The following TENM3 variants were observed in gnomAD, a reference collection of about 807,000 sequenced individuals.
The protein encoded by TENM3 is teneurin transmembrane protein 3.
TENM3 carries 63 observed loss-of-function variants against 255.1 expected under a neutral mutation model. That is an observed-to-expected ratio of 0.25 (90% CI 0.20 to 0.30). The LOEUF (loss-of-function observed/expected upper bound fraction) is 0.30, where lower values mean the gene tolerates loss of function less well. Ranked by LOEUF, TENM3 falls within the 10% of genes least tolerant of loss-of-function variation. The pLI is 1.00. For synonymous variants in TENM3, 1,306 were observed against 1,322.3 expected, an observed-to-expected ratio of 0.99 and a Z score of 0.27; for missense variants, 2,929 against 3,461.1, an observed-to-expected ratio of 0.85 and a Z score of 3.86.
intron 12 of TENM3, among the ~76,000 whole-genome samples, chr4:182,700,085 A>G (rs1473544543): frequency 6.6e-6 from 1 of 152,206 alleles, no homozygotes; most frequent in Non-Finnish European, 1.5e-5. Flanking sequence ...CTCGAGTTCC[A>G]GATTATAAGG....
intron 26 of TENM3, 148 bp downstream of exon 26, chr4:182,794,033 T>G: frequency 1.4e-6 from 1 of 730,290 alleles, no homozygotes; most frequent in Non-Finnish European, 2.2e-6. Context: ...TATTTCTTTA[T>G]GGAACCATAG....
At chr4:182,267,009 A>G (rs766520594) in intron 1 of TENM3, among the ~76,000 whole-genome samples, 9 of 152,198 alleles carry the variant, frequency 5.9e-5, no homozygotes, top group Non-Finnish European at 1.3e-4. Context: ...AGGTTTTCTA[A>G]TAACTCTGGA....
chr4:182,043,239 C>T, the TENM3 span, among the ~76,000 whole-genome samples: 2 of 152,078 alleles, frequency 1.3e-5, no homozygotes, highest in Non-Finnish European at 1.5e-5. Context: ...AGCTATGTTA[C>T]GTGCCATCTT....
chr4:182,201,717 G>T (rs1235819940), intron 1 of TENM3, among the ~76,000 whole-genome samples: 2 of 152,240 alleles, frequency 1.3e-5, no homozygotes, highest in South Asian at 2.1e-4. Flanking sequence ...CCCCCCTTAG[G>T]TTAGAAACAA....
At chr4:182,015,850 T>C in the TENM3 span, among the ~76,000 whole-genome samples, 6 of 152,284 alleles carry the variant, frequency 3.9e-5, no homozygotes, top group African/African-American at 1.4e-4. Context: ...CCTGGCCTGA[T>C]TTTAAGTTTT....
At chr4:181,737,445 A>G in the TENM3 span, among the ~76,000 whole-genome samples, 4 of 152,160 alleles carry the variant, frequency 2.6e-5, no homozygotes, top group Admixed American at 2.6e-4. Flanking sequence ...AACAAGGCTC[A>G]TAGGAACTGA....
At chr4:181,477,108 A>G in the TENM3 span, among the ~76,000 whole-genome samples, 1 of 152,134 alleles carries the variant, frequency 6.6e-6, no homozygotes, top group Non-Finnish European at 1.5e-5. Context: ...TCATTCATCT[A>G]TTTAAACACT....
At chr4:181,766,878 A>C in the TENM3 span, among the ~76,000 whole-genome samples, 1 of 152,192 alleles carries the variant, frequency 6.6e-6, no homozygotes, top group Admixed American at 6.5e-5. Context: ...GAGAATTGTT[A>C]ACACAATACT....
At chr4:181,455,106 T>C in the TENM3 span, among the ~76,000 whole-genome samples, 2 of 152,088 alleles carry the variant, frequency 1.3e-5, no homozygotes, top group Admixed American at 1.3e-4. Flanking sequence ...TGCTAAATAA[T>C]ATTTTAATTT....
At chr4:182,469,321 G>A (rs1030942950) in intron 3 of TENM3, among the ~76,000 whole-genome samples, 20 of 151,974 alleles carry the variant, frequency 1.3e-4, no homozygotes, top group African/African-American at 4.4e-4. Flanking sequence ...TTTAGTTCAC[G>A]TAATTCATAT....
chr4:182,517,891 A>G (rs1286901951), intron 3 of TENM3, among the ~76,000 whole-genome samples: 2 of 152,220 alleles, frequency 1.3e-5, no homozygotes, highest in East Asian at 1.9e-4. Context: ...ATTTAGAAGT[A>G]TATAACCATG....
At chr4:181,629,699 G>T in the TENM3 span, among the ~76,000 whole-genome samples, 1 of 152,256 alleles carries the variant, frequency 6.6e-6, no homozygotes, top group South Asian at 2.1e-4. Flanking sequence ...CTTGATCATG[G>T]TGGATAAGCT....
the TENM3 span, among the ~76,000 whole-genome samples, chr4:181,611,211 T>C: frequency 6.6e-6 from 1 of 152,226 alleles, no homozygotes; most frequent in African/African-American, 2.4e-5. Flanking sequence ...TTTCTGGTTT[T>C]CTCCGTTATC....
the TENM3 span, among the ~76,000 whole-genome samples, chr4:181,515,997 A>G: frequency 6.6e-6 from 1 of 152,226 alleles, no homozygotes; most frequent in Non-Finnish European, 1.5e-5. Flanking sequence ...CATATGCATC[A>G]TGGAATACTA....
intron 6 of TENM3, among the ~76,000 whole-genome samples, chr4:182,660,233 G>C (rs4386639): frequency 0.2 from 29,997 of 152,070 alleles, 3,297 homozygotes; most frequent in African/African-American, 0.29. Flanking sequence ...GCACAGTTCT[G>C]GCATGTAGTA....
intron 26 of TENM3, among the ~76,000 whole-genome samples, chr4:182,796,413 T>C (rs1160895257): frequency 1.3e-5 from 2 of 152,356 alleles, no homozygotes; most frequent in East Asian, 3.9e-4. Flanking sequence ...TGTCTGAGCA[T>C]CTATTACTCG....
intron 3 of TENM3, among the ~76,000 whole-genome samples, chr4:182,396,978 T>A (rs1402383561): frequency 6.6e-6 from 1 of 150,392 alleles, no homozygotes; most frequent in African/African-American, 2.4e-5. Flanking sequence ...AAAAAATAAA[T>A]ATATAGAATA....
At chr4:182,126,912 C>T in the TENM3 span, among the ~76,000 whole-genome samples, 6 of 152,182 alleles carry the variant, frequency 3.9e-5, no homozygotes, top group African/African-American at 9.7e-5. Context: ...GGGACTGGAG[C>T]TAGCATAGTA....
chr4:181,580,640 C>A, the TENM3 span, among the ~76,000 whole-genome samples: 1 of 152,044 alleles, frequency 6.6e-6, no homozygotes, highest in South Asian at 2.1e-4. Flanking sequence ...TCCCAGACCC[C>A]CCTGAGAGGA....
Sources: gnomAD v4.1 joint callset for allele counts (sites outside exome capture counted in the v4.1 genomes callset) on GRCh38, gnomAD v4.1.1 for gene constraint, MANE v1.5 for transcripts, NCBI Gene and HGNC (gene_info 2026-07-23, HGNC 2026-07-21) for gene names.